CHD5: variants seen among roughly 807,000 people sequenced by gnomAD.
CHD5 encodes chromodomain helicase DNA binding protein 5.
CHD5 carries 69 observed loss-of-function variants against 230.3 expected under a neutral mutation model. That is an observed-to-expected ratio of 0.30 (90% CI 0.25 to 0.37). CHD5 has a LOEUF of 0.37. CHD5 is among the 10% of genes least tolerant of loss of function. The pLI is 1.00. For missense variants in CHD5, 1,827 were observed against 2,622.8 expected (o/e 0.70, Z 6.63); for synonymous variants, 1,064 against 1,065.9 (o/e 1.00, Z 0.03).
intron 33 of CHD5, among the ~76,000 whole-genome samples, chr1:6,114,992 C>T (rs978907993): frequency 4.8e-4 from 71 of 148,538 alleles, no homozygotes; most frequent in Admixed American, 3.8e-3. Context: ...CCAGCCTGGG[C>T]GACAGAGCGA....
rs1464689200 is a variant in CHD5, at chr1:6,121,946, CAG to C, written c.4700-375_4700-374del. On this transcript the variant is annotated intron_variant, in intron 31 of 41. Transcript: ENST00000262450. The surrounding 1 kb of genome is among the most constrained non-coding windows in gnomAD (Gnocchi z 4.5). ...GGGCTGGCTGGTGTGTGCCTCTGGA[CAG>C]GGGGTGAATTTCCTCCCTGCCAAGC... Among the ~76,000 whole-genome samples, 1 of 152,212 alleles carries C rather than the reference CAG, an allele frequency of 6.6e-6. No homozygotes were observed. Among genetic ancestry groups the C allele is most frequent in the East Asian group, 1.9e-4 (1 of 5,188 alleles).
rs910444082 is a variant in CHD5, at chr1:6,112,256, T to A, written c.5024A>T (p.Lys1675Met). ...ATTTTGCTGTGTTTCAATGGGCTCC[T>A]TCTCCTCAGCCTTGGTGTCATCTGC... ...LRPDDTKAEE[K>M]EPIETQQNGD... Residue 1675 changes from lysine to methionine, a missense_variant, in exon 35 of 42, where the codon AAG becomes ATG. Lys to Met is a moderately conservative substitution (Grantham distance 95). Transcript: ENST00000262450. 1 of 1,614,212 alleles carries A rather than the reference T, an allele frequency of 6.2e-7. No individual in the cohort carries two copies. Among genetic ancestry groups the A allele is most frequent in the Non-Finnish European group, 8.5e-7 (1 of 1,180,044 alleles).
In CHD5 at chr1:6,131,224, A is replaced by C. The variant is rs1386806860; in HGVS notation, c.3262+407T>G. ...AGACCAAGCATGGGTGACTCTGGGG[A>C]AAGAGCCTGATCATGTGTGGCCCAG... On this transcript the variant is annotated intron_variant, in intron 21 of 41. Transcript: ENST00000262450. The surrounding 1 kb of genome is among the most constrained non-coding windows in gnomAD (Gnocchi z 5.0). Among the ~76,000 whole-genome samples, 2 of 152,164 alleles carry C rather than the reference A, an allele frequency of 1.3e-5. No homozygotes were observed. Among genetic ancestry groups the C allele is most frequent in the East Asian group, 3.9e-4 (2 of 5,188 alleles).
intron 1 of CHD5, among the ~76,000 whole-genome samples, chr1:6,179,378 G>T (rs1667476306): frequency 6.6e-6 from 1 of 152,132 alleles, no homozygotes; most frequent in South Asian, 2.1e-4. Flanking sequence ...GAGCCCGTGC[G>T]TCCCAGAGCG....
rs1666616639 is a variant in CHD5 at position 6,129,399 on chromosome 1, G to A, written c.3388-330C>T. Among the ~76,000 whole-genome samples, 1 of 152,154 alleles carries A rather than the reference G, an allele frequency of 6.6e-6. No homozygotes were observed. The highest frequency in any genetic ancestry group is 2.1e-4 in the South Asian group (1 of 4,828). ...TGAAGCCACACAGAGCTTCGTGGGG[G>A]CCACGGGGAGGTAGGAGGCTGCATT... On this transcript the variant is annotated intron_variant, in intron 22 of 41. Coordinates refer to ENST00000262450, the MANE Select transcript of CHD5 (RefSeq NM_015557.3). This position sits in a 1 kb window ranked among gnomAD's most constrained non-coding sequence, Gnocchi z 6.8.
chr1:6,161,051 A>G (rs1315308356), intron 2 of CHD5, among the ~76,000 whole-genome samples: 1 of 152,164 alleles, frequency 6.6e-6, no homozygotes, highest in Non-Finnish European at 1.5e-5. Flanking sequence ...GGATGAGATT[A>G]AGACAGAACC....
intron 2 of CHD5, among the ~76,000 whole-genome samples, chr1:6,164,115 C>G (rs1667217426): frequency 6.6e-6 from 1 of 152,244 alleles, no homozygotes; most frequent in African/African-American, 2.4e-5. Flanking sequence ...CGCCACCCTT[C>G]CTCCTTCCCA....
intron 1 of CHD5, among the ~76,000 whole-genome samples, chr1:6,177,913 C>T (rs1054319596): frequency 3.9e-5 from 6 of 152,226 alleles, no homozygotes; most frequent in South Asian, 2.1e-4. Flanking sequence ...TGGAGCCATG[C>T]GGGTCGGGAT....
intron 15 of CHD5, among the ~76,000 whole-genome samples, chr1:6,138,193 T>C (rs1013026097): frequency 2.0e-5 from 3 of 152,126 alleles, no homozygotes; most frequent in Admixed American, 1.3e-4. Flanking sequence ...CTGGCCAACA[T>C]AGCCAAACCC....
intron 20 of CHD5, among the ~76,000 whole-genome samples, chr1:6,132,880 TTC>T (rs111561200): frequency 0.016 from 2,281 of 143,848 alleles, 42 homozygotes; most frequent in African/African-American, 0.05. Context: ...TCCTATTCTT[TTC>T]TCTCTCTCTC....
rs1571151220 is a variant in CHD5, at chr1:6,134,014, T to G, written c.3144+114A>C. 1 of 1,016,838 alleles carries G rather than the reference T, an allele frequency of 9.8e-7. No individual in the cohort carries two copies. Among genetic ancestry groups the G allele is most frequent in the Non-Finnish European group, 1.4e-6 (1 of 693,576 alleles). 63.0% of individuals were successfully genotyped at this position (1,016,838 alleles called of 1,614,324 possible). On this transcript the variant is annotated intron_variant, in intron 20 of 41. Coordinates refer to ENST00000262450, the MANE Select transcript of CHD5 (RefSeq NM_015557.3). This position sits in a 1 kb window ranked among gnomAD's most constrained non-coding sequence, Gnocchi z 6.3. The stretch of plus-strand genomic sequence containing the variant: ...CTGACACACAGTCACATGACCCACA[T>G]GGGAACGGCACTGGGCCCTGAGGGG...
chr1:6,156,535 CAAAAAAAAA>C (rs1225146962), intron 3 of CHD5, among the ~76,000 whole-genome samples: 1 of 63,810 alleles, frequency 1.6e-5, no homozygotes. Flanking sequence ...GATTCTGTCT[CAAAAAAAAA>C]AAAAAAAAAA....
chr1:6,133,680 C>T (rs529934177), intron 20 of CHD5, among the ~76,000 whole-genome samples: 8 of 152,326 alleles, frequency 5.3e-5, no homozygotes, highest in East Asian at 3.9e-4. Flanking sequence ...CTATGACAGA[C>T]GCAAACAAAG....
At chr1:6,169,525 C>T (rs534755437) in intron 1 of CHD5, among the ~76,000 whole-genome samples, 6 of 152,338 alleles carry the variant, frequency 3.9e-5, no homozygotes, top group South Asian at 2.1e-4. Context: ...CCTGCTGGGA[C>T]GGCAGTAGCC....
At chr1:6,152,647 A>C in intron 5 of CHD5, 111 bp from the exon 6 acceptor site, 1 of 1,536,858 alleles carries the variant, frequency 6.5e-7, no homozygotes, top group African/African-American at 1.4e-5. Context: ...CATTTCTACC[A>C]TCACCCCGTT....
rs764708277 is a variant in CHD5, at chr1:6,168,181, T to C, written c.176A>G (p.Asn59Ser). ...CTTCTTCCGCTTCCCTTTACACTTG[T>C]TTTCCTTGAGCTTCTTGGGTTTCTT... ...KKKKPKKLKE[N>S]KCKGKRKKKE... is the part of the protein sequence containing the mutation. Residue 59 changes from asparagine to serine, a missense_variant, in exon 2 of 42, where the codon AAC becomes AGC. Transcript: ENST00000262450. 1.2e-6 allele frequency: 2 copies of C among 1,611,746 alleles called. No individual in the cohort carries two copies. Among genetic ancestry groups the C allele is most frequent in the South Asian group, 2.2e-5 (2 of 90,910 alleles).
At chr1:6,176,229 GCTAAAATGT>G (rs1667424638) in intron 1 of CHD5, among the ~76,000 whole-genome samples, 1 of 152,150 alleles carries the variant, frequency 6.6e-6, no homozygotes, top group Non-Finnish European at 1.5e-5. Flanking sequence ...AGGGGTGCAG[GCTAAAATGT>G]CATGGCCTTT....
At position 6,105,395 on chromosome 1, in the gene CHD5, A is replaced by G. The variant is rs775846551; in HGVS notation, c.*79T>C. ...AAAAAGGTGGCAGCTTTTCTCTCCC[A>G]TGTGGGTCGGGCAGGTGGCCCGGCA... On this transcript the variant is annotated 3_prime_UTR_variant, in exon 42 of 42. Coordinates refer to ENST00000262450, the MANE Select transcript of CHD5 (RefSeq NM_015557.3). This position sits in a 1 kb window ranked among gnomAD's most constrained non-coding sequence, Gnocchi z 4.8. 8.0e-4 allele frequency: 376 copies of G among 470,574 alleles called. No homozygotes were observed. Among genetic ancestry groups the G allele is most frequent in the African/African-American group, 7.0e-3 (353 of 50,168 alleles). The allele number at this position is 470,574 out of a possible 1,614,324, so 29.1% of individuals were successfully genotyped here.
intron 18 of CHD5, among the ~76,000 whole-genome samples, 162 bp downstream of exon 18, chr1:6,135,068 A>G (rs1469509026): frequency 6.6e-6 from 1 of 152,206 alleles, no homozygotes; most frequent in Non-Finnish European, 1.5e-5. Context: ...AACTCTGGTC[A>G]CTAAAACCTG....
Sources: allele counts gnomAD v4.1 joint callset (sites outside exome capture counted in the v4.1 genomes callset), GRCh38; gene constraint gnomAD v4.1.1; non-coding constraint Gnocchi (gnomAD v3.1); transcripts MANE v1.5; gene names NCBI Gene and HGNC (gene_info 2026-07-23, HGNC 2026-07-21).